RIMS1: variants seen among roughly 807,000 people sequenced by gnomAD.
RIMS1 encodes regulating synaptic membrane exocytosis protein 1.
In RIMS1, 83 loss-of-function variants were observed where a neutral mutation model predicts 214.1. The ratio of observed to expected loss-of-function variants is 0.39; its 90% CI spans 0.32 to 0.47. RIMS1 has a LOEUF of 0.47. Among genes scored for constraint, RIMS1 ranks in the 20% least tolerant of loss-of-function variants. The pLI is 0.99. For synonymous variants in RIMS1, 793 were observed against 786.8 expected, an observed-to-expected ratio of 1.01 and a Z score of -0.13; for missense variants, 2,050 against 2,161.8, an observed-to-expected ratio of 0.95 and a Z score of 1.03.
At chr6:72,313,077 G>A (rs532927108) in intron 27 of RIMS1, among the ~76,000 whole-genome samples, 1 of 152,150 alleles carries the variant, frequency 6.6e-6, no homozygotes, top group African/African-American at 2.4e-5. Context: ...GGATTTTGGA[G>A]CACTTCAGAT....
chr6:72,134,541 C>G (rs1371618250), intron 4 of RIMS1, among the ~76,000 whole-genome samples: 3 of 152,036 alleles, frequency 2.0e-5, no homozygotes, highest in African/African-American at 7.2e-5. Context: ...GGCTTCTCTA[C>G]TCATGAGTTT....
At chr6:72,265,299 C>A in intron 20 of RIMS1, 91 bp from the exon 21 acceptor site, 1 of 740,960 alleles carries the variant, frequency 1.3e-6, no homozygotes, top group South Asian at 2.3e-5. Context: ...TGTCAGAATT[C>A]TAGTTGCTTT....
At chr6:72,139,946 A>G (rs2041880874) in intron 4 of RIMS1, among the ~76,000 whole-genome samples, 1 of 152,200 alleles carries the variant, frequency 6.6e-6, no homozygotes, top group African/African-American at 2.4e-5. Flanking sequence ...GATTTAAGAT[A>G]TTACATGAAC....
At chr6:72,016,232 A>T (rs969706820) in intron 2 of RIMS1, among the ~76,000 whole-genome samples, 3 of 151,982 alleles carry the variant, frequency 2.0e-5, no homozygotes, top group African/African-American at 7.2e-5. Flanking sequence ...ATTTTTTTAT[A>T]AGGGGTATTG....
intron 6 of RIMS1, among the ~76,000 whole-genome samples, chr6:72,224,873 C>T (rs920446536): frequency 2.6e-5 from 4 of 152,152 alleles, no homozygotes; most frequent in Non-Finnish European, 5.9e-5. Context: ...CCAGTGACTG[C>T]AATGTTTTGC....
intron 1 of RIMS1, among the ~76,000 whole-genome samples, chr6:71,965,349 A>G (rs1399586691): frequency 1.3e-5 from 2 of 152,182 alleles, no homozygotes; most frequent in East Asian, 3.8e-4. Flanking sequence ...CAAAATGGAA[A>G]GTCAAAAGAG....
chr6:72,325,900 T>C (rs1000096233), intron 28 of RIMS1, among the ~76,000 whole-genome samples: 5 of 151,846 alleles, frequency 3.3e-5, no homozygotes. Context: ...ACCTTGATTA[T>C]TAATCACCAG....
chr6:72,050,666 G>C (rs531333721), intron 2 of RIMS1, among the ~76,000 whole-genome samples: 1 of 152,172 alleles, frequency 6.6e-6, no homozygotes, highest in Non-Finnish European at 1.5e-5. Context: ...TCCTCCTGTG[G>C]CATCCAGGGT....
chr6:72,231,576 C>G (rs757606862), intron 6 of RIMS1, among the ~76,000 whole-genome samples: 1 of 151,624 alleles, frequency 6.6e-6, no homozygotes, highest in Non-Finnish European at 1.5e-5. Context: ...CTGTATGAGT[C>G]CTGGCTCCTC....
rs200246988 is a variant in RIMS1, at chr6:72,251,444, GT to G, written c.2698+84del. 8.8e-4 allele frequency: 1,036 copies of G among 1,171,752 alleles called. 7 individuals are homozygous for G. The East Asian group carries it at 0.02, about 22-fold the overall frequency. The allele number at this position is 1,171,752 out of a possible 1,614,324, so 72.6% of individuals were successfully genotyped here. A position where few individuals can be genotyped will look rare whatever the true frequency, so the allele number is the denominator to read the frequency against. ...TAATTAGTGATTAATAATTCAAGATGTTTTTTTTAAATGTTTTATTAGAGAT... is the reference window on the plus strand; with the variant it reads ...TAATTAGTGATTAATAATTCAAGATGTTTTTTTAAATGTTTTATTAGAGAT... On this transcript the variant is annotated intron_variant, in intron 15 of 33. Transcript: ENST00000521978.
At chr6:72,329,025 C>T (rs962144540) in intron 28 of RIMS1, among the ~76,000 whole-genome samples, 4 of 151,332 alleles carry the variant, frequency 2.6e-5, no homozygotes, top group African/African-American at 9.7e-5. Context: ...CAGAAAGAAA[C>T]AAAACAAAAC....
intron 6 of RIMS1, chr6:72,216,901 A>G (rs372007202): frequency 8.4e-7 from 1 of 1,189,828 alleles, no homozygotes; most frequent in African/African-American, 1.6e-5. Flanking sequence ...TTAGTACAGC[A>G]CAGAGCACTA....
At chr6:72,334,589 AG>A (rs2096777543) in intron 29 of RIMS1, among the ~76,000 whole-genome samples, 2 of 151,936 alleles carry the variant, frequency 1.3e-5, no homozygotes, top group Admixed American at 1.3e-4. Context: ...GTAAAATCAA[AG>A]GTAAGTGAAA....
chr6:72,210,649 A>T (rs771312366), intron 6 of RIMS1, among the ~76,000 whole-genome samples: 1 of 152,224 alleles, frequency 6.6e-6, no homozygotes, highest in Non-Finnish European at 1.5e-5. Flanking sequence ...CCCAAATTTA[A>T]GGAAGTGGTA....
intron 2 of RIMS1, among the ~76,000 whole-genome samples, chr6:71,974,675 A>G (rs971691251): frequency 6.6e-6 from 1 of 152,138 alleles, no homozygotes; most frequent in Non-Finnish European, 1.5e-5. Flanking sequence ...GAGGCAAGAT[A>G]AGTCATTTTA....
At chr6:72,226,484 A>T (rs994313361) in intron 6 of RIMS1, among the ~76,000 whole-genome samples, 1 of 152,106 alleles carries the variant, frequency 6.6e-6, no homozygotes, top group Non-Finnish European at 1.5e-5. Context: ...CATGTTTAAA[A>T]TTACAATAGT....
intron 1 of RIMS1, among the ~76,000 whole-genome samples, chr6:71,962,161 A>G (rs1477705432): frequency 2.6e-5 from 4 of 151,852 alleles, no homozygotes; most frequent in Non-Finnish European, 4.4e-5. Flanking sequence ...TTCAATGATT[A>G]AGAAGACCAG....
At chr6:72,366,668 G>A (rs954646861) in intron 29 of RIMS1, 1 of 977,844 alleles carries the variant, frequency 1.0e-6, no homozygotes, top group East Asian at 1.1e-4. Flanking sequence ...ATATGCATGA[G>A]AAGGAGAGAG....
intron 1 of RIMS1, among the ~76,000 whole-genome samples, chr6:71,964,825 A>G (rs1298379066): frequency 6.6e-6 from 1 of 152,192 alleles, no homozygotes; most frequent in Admixed American, 6.5e-5. Flanking sequence ...TGTTGCATGT[A>G]TTTGGGGTAC....
Sources: allele counts gnomAD v4.1 joint callset (sites outside exome capture counted in the v4.1 genomes callset), GRCh38; gene constraint gnomAD v4.1.1; transcripts MANE v1.5; gene names NCBI Gene and HGNC (gene_info 2026-07-23, HGNC 2026-07-21).